Variants in PHF2 observed in about 807,000 individuals in gnomAD.
The protein encoded by PHF2 is PHD finger protein 2.
PHF2 carries 27 observed loss-of-function variants against 120.5 expected under a neutral mutation model. That is an observed-to-expected ratio of 0.22 (90% CI 0.17 to 0.31). PHF2 has a LOEUF of 0.31. Ranked by LOEUF, PHF2 falls within the 10% of genes least tolerant of loss-of-function variation. PHF2 has a pLI of 1.00. For missense variants in PHF2, 1,024 were observed against 1,434.8 expected (o/e 0.71, Z 4.63); for synonymous variants, 568 against 592.5 (o/e 0.96, Z 0.60).
intron 1 of PHF2, among the ~76,000 whole-genome samples, chr9:93,587,013 G>A (rs912265879): frequency 2.6e-5 from 4 of 152,254 alleles, no homozygotes; most frequent in South Asian, 2.1e-4. Context: ...GGCCATGGGT[G>A]GGAGTTACAT....
chr9:93,613,439 G>T (rs995666027), intron 1 of PHF2, among the ~76,000 whole-genome samples: 5 of 152,114 alleles, frequency 3.3e-5, no homozygotes, highest in African/African-American at 1.2e-4. Context: ...GACACTTAGG[G>T]TTGGCCAAGG....
At chr9:93,587,996 G>A (rs1055223880) in intron 1 of PHF2, among the ~76,000 whole-genome samples, 3 of 152,138 alleles carry the variant, frequency 2.0e-5, no homozygotes, top group Non-Finnish European at 4.4e-5. Flanking sequence ...GCTGTGTGGC[G>A]GGGTGGGCAG....
chr9:93,601,970 T>C (rs1443985017), intron 1 of PHF2, among the ~76,000 whole-genome samples: 1 of 151,982 alleles, frequency 6.6e-6, no homozygotes, highest in Non-Finnish European at 1.5e-5. Flanking sequence ...CAGCCTTTTG[T>C]CAATTCCACA....
At chr9:93,675,328 C>T (rs1051895818) in intron 19 of PHF2, among the ~76,000 whole-genome samples, 11 of 152,258 alleles carry the variant, frequency 7.2e-5, no homozygotes, top group African/African-American at 1.4e-4. Context: ...CTGTGAGGGT[C>T]ACCTTTGTAC....
At chr9:93,596,647 A>G (rs550208405) in intron 1 of PHF2, among the ~76,000 whole-genome samples, 2 of 151,968 alleles carry the variant, frequency 1.3e-5, no homozygotes, top group South Asian at 4.2e-4. Context: ...CTGTGTGCCT[A>G]GGGAGCTTGC....
intron 12 of PHF2, among the ~76,000 whole-genome samples, chr9:93,661,278 TG>T (rs958700418): frequency 6.6e-6 from 1 of 152,128 alleles, no homozygotes; most frequent in Non-Finnish European, 1.5e-5. Context: ...ATCTGCTTCC[TG>T]GGGGCCAGGA....
chr9:93,673,911 G>A, intron 18 of PHF2, 49 bp downstream of exon 18: 1 of 1,503,788 alleles, frequency 6.6e-7, no homozygotes, highest in Non-Finnish European at 9.0e-7. Context: ...GCCCTAGAAG[G>A]CCTGGCTGAG....
In PHF2 at chr9:93,673,708, G is replaced by A. The variant is rs375602363; in HGVS notation, c.2472G>A (p.Ser824=). Residue 824 remains serine, a synonymous_variant, in exon 18 of 22, where the codon TCG becomes TCA. Coordinates refer to ENST00000359246, the MANE Select transcript of PHF2 (RefSeq NM_005392.4). ...GAGCTGGCCAGGCCAAGGGGAGCTC[G>A]CTGGCTGCCCATGGTGCCCGGAAGA... is the stretch of plus-strand genomic sequence containing the variant. The part of the protein sequence containing the change: ...TWGAGQAKGS[S]LAAHGARKNG... The A allele has an allele frequency of 2.2e-5, 36 of 1,613,098 alleles. No homozygotes were observed. The highest frequency in any genetic ancestry group is 1.3e-4 in the African/African-American group (10 of 74,926).
intron 5 of PHF2, among the ~76,000 whole-genome samples, chr9:93,650,682 C>A (rs567374143): frequency 6.6e-6 from 1 of 152,198 alleles, no homozygotes; most frequent in East Asian, 1.9e-4. Context: ...TGTTCTCCCC[C>A]CAGGCTGTCA....
chr9:93,630,929 C>T (rs892385156), intron 2 of PHF2, among the ~76,000 whole-genome samples: 16 of 152,196 alleles, frequency 1.1e-4, no homozygotes, highest in African/African-American at 3.9e-4. Flanking sequence ...CACATCTCTG[C>T]TGACCTGAGC....
rs548196658 is a variant in PHF2, at chr9:93,643,308, A to G, written c.300-2321A>G. Among the ~76,000 whole-genome samples the G allele has an allele frequency of 5.6e-4, 86 of 152,314 alleles. No homozygotes were observed. The South Asian group carries it at 0.017, about 30-fold the overall frequency. ...GTGCAAGTTTGGAACTCTCACTGCT[A>G]GGACGTTGGCATTGGGATTCATCAA... On this transcript the variant is annotated intron_variant, in intron 3 of 21. Transcript: ENST00000359246.
intron 5 of PHF2, among the ~76,000 whole-genome samples, chr9:93,650,374 ACTC>A (rs1451482606): frequency 1.3e-5 from 2 of 151,802 alleles, no homozygotes; most frequent in East Asian, 1.9e-4. Context: ...GCACACTCAT[ACTC>A]CTAACACCCG....
At chr9:93,580,047 G>T (rs1245790691) in intron 1 of PHF2, among the ~76,000 whole-genome samples, 1 of 152,236 alleles carries the variant, frequency 6.6e-6, no homozygotes, top group African/African-American at 2.4e-5. Context: ...CACTGGAGGG[G>T]AAGTGTGGAG....
In PHF2 at chr9:93,593,348, T is replaced by A. The variant is rs183248109; in HGVS notation, c.98+16477T>A. Among the ~76,000 whole-genome samples, 302 of 152,272 alleles carry A rather than the reference T, an allele frequency of 2.0e-3. 2 individuals carry two copies. Among genetic ancestry groups the A allele is most frequent in the Admixed American group, 3.6e-3 (55 of 15,304 alleles). ...ACCTCCCTTAGTCTAGAGTTCCTAT[T>A]TCTGTTAATATGACCTCGGACTACA... is the stretch of plus-strand genomic sequence containing the variant. On this transcript the variant is annotated intron_variant, in intron 1 of 21. Transcript: ENST00000359246.
chr9:93,658,019 G>T (rs1695063738), intron 9 of PHF2, 126 bp from the exon 10 acceptor site: 4 of 633,660 alleles, frequency 6.3e-6, no homozygotes, highest in South Asian at 1.8e-5. Flanking sequence ...TGAGCTGGTG[G>T]CCATGGGCGG....
chr9:93,610,208 T>C (rs1005256871), intron 1 of PHF2, among the ~76,000 whole-genome samples: 5 of 152,208 alleles, frequency 3.3e-5, no homozygotes, highest in Admixed American at 2.0e-4. Context: ...CTTTCTCTTT[T>C]TCTTCTCCTT....
rs60513643 is a variant in PHF2 at position 93,599,193 on chromosome 9, G to A, written c.98+22322G>A. On this transcript the variant is annotated intron_variant, in intron 1 of 21. Transcript: ENST00000359246. ...CATGCACCTGCAGGGGCTCTCCAGG[G>A]TGGGTTCCGAAGAAGGCCTGCTGGA... 9.5e-4 allele frequency among the ~76,000 whole-genome samples: 144 copies of A among 152,318 alleles called. 3 individuals carry two copies. The East Asian group carries it at 0.027, about 28-fold the overall frequency.
intron 1 of PHF2, among the ~76,000 whole-genome samples, chr9:93,627,508 T>TTTTTTTTTTTTTTTTTTTTTTTG (rs1825933862): frequency 7.3e-6 from 1 of 136,144 alleles, no homozygotes; most frequent in African/African-American, 2.6e-5. Flanking sequence ...TTTTTTTTTT[T>TTTTTTTTTTTTTTTTTTTTTTTG]GTCTAATTGC....
rs185358843 is a variant in PHF2, at chr9:93,577,011, C to G, written c.98+140C>G. Reference sequence around the variant, plus strand: ...CGCCGCCGCCGCATTCCGGGCGCCCCGGTCGGGGCTGGGCCGTGCCGGGCC... The same window carrying G: ...CGCCGCCGCCGCATTCCGGGCGCCCGGGTCGGGGCTGGGCCGTGCCGGGCC... On this transcript the variant is annotated intron_variant, in intron 1 of 21. Transcript: ENST00000359246. 1,581 of 200,214 alleles carry G rather than the reference C, an allele frequency of 7.9e-3. 30 individuals carry two copies. Among genetic ancestry groups the G allele is most frequent in the African/African-American group, 0.036 (1,506 of 41,756 alleles). The allele number at this position is 200,214 out of a possible 1,614,324, so 12.4% of individuals were successfully genotyped here.
Sources: allele counts gnomAD v4.1 joint callset (sites outside exome capture counted in the v4.1 genomes callset), GRCh38; gene constraint gnomAD v4.1.1; transcripts MANE v1.5; gene names NCBI Gene and HGNC (gene_info 2026-07-23, HGNC 2026-07-21).